CPNE4: variants seen among roughly 807,000 people sequenced by gnomAD.
CPNE4 encodes the protein copine-4.
A neutral mutation model predicts 67.9 loss-of-function variants in CPNE4; 25 were observed. The ratio of observed to expected loss-of-function variants is 0.37; its 90% CI spans 0.27 to 0.51. The LOEUF (loss-of-function observed/expected upper bound fraction) is 0.51. CPNE4 is among the 20% of genes least tolerant of loss of function. The pLI, the probability that CPNE4 is intolerant of heterozygous loss-of-function variation, is 0.93. For synonymous variants in CPNE4, 242 were observed against 244.9 expected (o/e 0.99, Z 0.11); for missense variants, 464 against 690.8 (o/e 0.67, Z 3.68).
At chr3:131,675,686 C>T (rs2080539137) in intron 6 of CPNE4, among the ~76,000 whole-genome samples, 1 of 151,768 alleles carries the variant, frequency 6.6e-6, no homozygotes, top group African/African-American at 2.4e-5. Context: ...TATTTTTAGT[C>T]TGTCTCTTTA....
intron 2 of CPNE4, among the ~76,000 whole-genome samples, chr3:131,817,788 T>C (rs556364273): frequency 2.6e-5 from 4 of 152,356 alleles, no homozygotes; most frequent in African/African-American, 9.6e-5. Flanking sequence ...ACGTATTCTC[T>C]TGAATGACTG....
intron 2 of CPNE4, among the ~76,000 whole-genome samples, chr3:131,903,555 T>A (rs994796726): frequency 6.6e-6 from 1 of 152,094 alleles, no homozygotes; most frequent in African/African-American, 2.4e-5. Flanking sequence ...CCAGCACAAT[T>A]ATAAAATAGC....
At chr3:131,665,668 C>CAA (rs2080240521) in intron 7 of CPNE4, among the ~76,000 whole-genome samples, 1 of 149,990 alleles carries the variant, frequency 6.7e-6, no homozygotes, top group Non-Finnish European at 1.5e-5. Context: ...CAAAAACAAA[C>CAA]AAACAAACAA....
chr3:131,940,724 A>G (rs1456648509), intron 1 of CPNE4, among the ~76,000 whole-genome samples: 1 of 152,108 alleles, frequency 6.6e-6, no homozygotes, highest in East Asian at 1.9e-4. Context: ...TTAAAGAATT[A>G]TTGATCCAGA....
At chr3:131,724,866 G>T (rs1048807686) in intron 2 of CPNE4, among the ~76,000 whole-genome samples, 1 of 151,996 alleles carries the variant, frequency 6.6e-6, no homozygotes, top group African/African-American at 2.4e-5. Flanking sequence ...GATCCTTATC[G>T]CTAAGGCTCT....
chr3:131,925,314 C>T (rs2070865099), intron 1 of CPNE4, among the ~76,000 whole-genome samples: 1 of 152,148 alleles, frequency 6.6e-6, no homozygotes, highest in Admixed American at 6.6e-5. Context: ...CGCCCAGAGT[C>T]ATTCCTAGGC....
chr3:131,799,190 T>C (rs2084003621), intron 2 of CPNE4, among the ~76,000 whole-genome samples: 1 of 152,154 alleles, frequency 6.6e-6, no homozygotes. Flanking sequence ...ATAATCGAGT[T>C]AGGAAAGACA....
At chr3:131,949,321 C>G (rs899500798) in intron 1 of CPNE4, among the ~76,000 whole-genome samples, 3 of 152,158 alleles carry the variant, frequency 2.0e-5, no homozygotes, top group Non-Finnish European at 4.4e-5. Flanking sequence ...ATTCATTGAG[C>G]ATCAATTCAT....
At chr3:131,876,747 A>G (rs2087476302) in intron 2 of CPNE4, among the ~76,000 whole-genome samples, 1 of 152,068 alleles carries the variant, frequency 6.6e-6, no homozygotes, top group African/African-American at 2.4e-5. Flanking sequence ...AGGTTAATCT[A>G]TGTAGTAACT....
intron 6 of CPNE4, among the ~76,000 whole-genome samples, chr3:131,679,116 G>T (rs1271203815): frequency 6.6e-6 from 1 of 152,096 alleles, no homozygotes; most frequent in Non-Finnish European, 1.5e-5. Context: ...CTCGTTATTG[G>T]TCTGTTCAGA....
intron 1 of CPNE4, among the ~76,000 whole-genome samples, chr3:131,982,595 A>T (rs565316917): frequency 1.3e-5 from 2 of 152,234 alleles, no homozygotes; most frequent in South Asian, 4.1e-4. Flanking sequence ...CTTTTACTTT[A>T]TTATTTGTGT....
chr3:131,547,808 G>T (rs564150755), intron 14 of CPNE4, among the ~76,000 whole-genome samples: 29 of 152,238 alleles, frequency 1.9e-4, no homozygotes, highest in Non-Finnish European at 4.0e-4. Context: ...ATGAACAGAG[G>T]AGATGAGAGA....
intron 3 of CPNE4, among the ~76,000 whole-genome samples, 176 bp downstream of exon 3, chr3:131,723,270 A>G (rs1400889707): frequency 6.6e-6 from 1 of 152,230 alleles, no homozygotes; most frequent in Non-Finnish European, 1.5e-5. Flanking sequence ...TTGCAGAATC[A>G]TCTCTACATA....
At chr3:131,873,495 C>T (rs2087302636) in intron 2 of CPNE4, among the ~76,000 whole-genome samples, 1 of 152,186 alleles carries the variant, frequency 6.6e-6, no homozygotes, top group Admixed American at 6.5e-5. Context: ...ACCCCACTGG[C>T]TCTATAACTA....
chr3:131,705,551 A>T (rs1040558689), intron 3 of CPNE4, among the ~76,000 whole-genome samples: 1 of 152,214 alleles, frequency 6.6e-6, no homozygotes, highest in African/African-American at 2.4e-5. Context: ...CAATGCTGAC[A>T]CTTTCTTGGC....
intron 1 of CPNE4, among the ~76,000 whole-genome samples, chr3:132,004,467 C>T (rs1402605824): frequency 1.3e-5 from 2 of 151,818 alleles, no homozygotes; most frequent in Non-Finnish European, 2.9e-5. Context: ...TTCAGAAAGA[C>T]AGAGAAATTT....
At chr3:131,951,789 T>C (rs1208247537) in intron 1 of CPNE4, among the ~76,000 whole-genome samples, 4 of 152,160 alleles carry the variant, frequency 2.6e-5, no homozygotes, top group Non-Finnish European at 5.9e-5. Context: ...GGTCTCCAGC[T>C]CCTAACCGCG....
chr3:131,792,624 T>TATATACACACGTGTATATATATAC (rs2083764131), intron 2 of CPNE4, among the ~76,000 whole-genome samples: 1 of 74,488 alleles, frequency 1.3e-5, no homozygotes, highest in Non-Finnish European at 2.9e-5. Context: ...TATATGTATA[T>TATATACACACGTGTATATATATAC]ATATATACAC....
At chr3:131,830,771 T>A (rs2085337667) in intron 2 of CPNE4, among the ~76,000 whole-genome samples, 1 of 152,154 alleles carries the variant, frequency 6.6e-6, no homozygotes. Flanking sequence ...ATCATGTCTA[T>A]TTTGTTCACT....
Sources: gnomAD v4.1 joint callset for allele counts (sites outside exome capture counted in the v4.1 genomes callset) on GRCh38, gnomAD v4.1.1 for gene constraint, MANE v1.5 for transcripts, NCBI Gene and HGNC (gene_info 2026-07-23, HGNC 2026-07-21) for gene names.